The following FBXW11 variants were observed in gnomAD, a reference collection of about 807,000 sequenced individuals.
FBXW11 encodes F-box and WD repeat domain containing 11.
Under a neutral mutation model 77.6 loss-of-function variants are expected in FBXW11, and 19 were observed. The observed-to-expected ratio is 0.24, with a 90% CI of 0.17 to 0.36. FBXW11 has a LOEUF of 0.36. Among genes scored for constraint, FBXW11 ranks in the 10% least tolerant of loss-of-function variants. The pLI, the probability that FBXW11 is intolerant of heterozygous loss-of-function variation, is 1.00. For missense variants in FBXW11, 334 were observed against 704.2 expected (o/e 0.47, Z 5.95); for synonymous variants, 235 against 249.4 (o/e 0.94, Z 0.54).
intron 2 of FBXW11, among the ~76,000 whole-genome samples, chr5:171,953,487 AC>A (rs1412501122): frequency 4.6e-5 from 7 of 152,116 alleles, no homozygotes; most frequent in African/African-American, 1.7e-4. Flanking sequence ...CCTTAGACAG[AC>A]CGACCCTGAA....
chr5:172,000,181 A>C (rs77435546), intron 1 of FBXW11, among the ~76,000 whole-genome samples: 4,692 of 152,326 alleles, frequency 0.031, 101 homozygotes, highest in Middle Eastern at 0.061. Flanking sequence ...TCAGAAGAAA[A>C]TCTTGTATGA....
At chr5:171,925,532 G>C (rs562985537) in intron 2 of FBXW11, among the ~76,000 whole-genome samples, 1 of 152,312 alleles carries the variant, frequency 6.6e-6, no homozygotes, top group African/African-American at 2.4e-5. Flanking sequence ...TCAGGCTATA[G>C]TGCAGTGGCA....
rs186457374 is a variant in FBXW11 at position 171,999,022 on chromosome 5, C to T, written c.45+7436G>A. Among the ~76,000 whole-genome samples the T allele has an allele frequency of 1.3e-3, 203 of 152,070 alleles. 2 individuals carry two copies. The highest frequency in any genetic ancestry group is 7.9e-3 in the Admixed American group (120 of 15,258). On this transcript the variant is annotated intron_variant, in intron 1 of 13. Coordinates refer to ENST00000517395, the MANE Select transcript of FBXW11 (RefSeq NM_001378974.1). The stretch of plus-strand genomic sequence containing the variant: ...AAGGCAATTAAAGTGACTGAAATAC[C>T]GGTCTATGATTAACCTCGCCATAAC...
intron 7 of FBXW11, among the ~76,000 whole-genome samples, chr5:171,883,879 A>C (rs1758698705): frequency 6.6e-6 from 1 of 150,702 alleles, no homozygotes; most frequent in South Asian, 2.1e-4. Flanking sequence ...GATTTGTTTG[A>C]GTTCATTGTG....
intron 7 of FBXW11, among the ~76,000 whole-genome samples, chr5:171,883,657 T>G (rs1207600283): frequency 1.3e-5 from 2 of 152,222 alleles, no homozygotes; most frequent in Non-Finnish European, 2.9e-5. Context: ...GTTTTTTGAT[T>G]TTTTTATTAT....
chr5:171,914,291 T>C, intron 3 of FBXW11, 52 bp downstream of exon 3: 1 of 1,455,528 alleles, frequency 6.9e-7, no homozygotes, highest in Non-Finnish European at 9.5e-7. Context: ...TGAGGGAGCA[T>C]CCTATCTACA....
At chr5:171,883,995 T>A (rs1411133374) in intron 7 of FBXW11, among the ~76,000 whole-genome samples, 1 of 152,242 alleles carries the variant, frequency 6.6e-6, no homozygotes, top group African/African-American at 2.4e-5. Context: ...TGTGGGCTGT[T>A]TACTCTGCTA....
chr5:171,983,471 C>T (rs1461026763), intron 1 of FBXW11, among the ~76,000 whole-genome samples: 4 of 152,012 alleles, frequency 2.6e-5, no homozygotes, highest in Admixed American at 2.6e-4. Context: ...GGACAAAAGC[C>T]CAGGCTTGCC....
chr5:171,979,465 C>T lies in FBXW11; in HGVS notation c.46-21767G>A, dbSNP rs74780059. ...CCATCTTACTTTACGTTTTTCATTA[C>T]ATTTTTCCATCTTATTTTACATTAT... On this transcript the variant is annotated intron_variant, in intron 1 of 13. Coordinates refer to ENST00000517395, the MANE Select transcript of FBXW11 (RefSeq NM_001378974.1). 8.5e-3 allele frequency among the ~76,000 whole-genome samples: 1,294 copies of T among 152,172 alleles called. 13 individuals carry two copies. Among genetic ancestry groups the T allele is most frequent in the South Asian group, 0.035 (167 of 4,828 alleles).
At chr5:171,969,324 A>G (rs1404242545) in intron 1 of FBXW11, among the ~76,000 whole-genome samples, 1 of 152,194 alleles carries the variant, frequency 6.6e-6, no homozygotes, top group Admixed American at 6.5e-5. Context: ...TCCTGATGTA[A>G]TGAACATTCT....
At chr5:171,998,522 C>A (rs1766208372) in intron 1 of FBXW11, among the ~76,000 whole-genome samples, 2 of 151,462 alleles carry the variant, frequency 1.3e-5, no homozygotes, top group Non-Finnish European at 2.9e-5. Context: ...ATAGGCTGGG[C>A]TCGATGGCTC....
In FBXW11 at chr5:171,876,755, A is replaced by G. The variant is rs1758108064; in HGVS notation, c.972-221T>C. 6.6e-6 allele frequency among the ~76,000 whole-genome samples: 1 copy of G among 152,112 alleles called. No individual in the cohort carries two copies. The highest frequency in any genetic ancestry group is 2.1e-4 in the South Asian group (1 of 4,820). On this transcript the variant is annotated intron_variant, in intron 8 of 13. Transcript: ENST00000517395. This position sits in a 1 kb window ranked among gnomAD's most constrained non-coding sequence, Gnocchi z 4.2. ...TCATGAATGGCTTGGTGCCATTCTC[A>G]TAGGAGGGAGTTCACTCTTAGTTCC...
Position 171,957,600 on chromosome 5 carries a change from G to GAGAC in FBXW11, c.140_143dup (p.Gln49SerfsTer12). On this transcript the variant is annotated frameshift_variant, in exon 2 of 14. Coordinates refer to ENST00000517395, the MANE Select transcript of FBXW11 (RefSeq NM_001378974.1). LOFTEE classifies it high-confidence loss of function. Reference sequence around the variant, plus strand: ...CAACAAGAAAGAAGAGAGGCACCTGGAGACATCTGACACTGGGCATGCTCT... The same window carrying GAGAC: ...CAACAAGAAAGAAGAGAGGCACCTGGAGACAGACATCTGACACTGGGCATGCTCT... The GAGAC allele has an allele frequency of 6.2e-7, 1 of 1,613,608 alleles. No homozygotes were observed.
intron 7 of FBXW11, among the ~76,000 whole-genome samples, chr5:171,889,503 G>A (rs190065715): frequency 2.1e-3 from 300 of 139,856 alleles, no homozygotes; most frequent in African/African-American, 7.7e-3. Flanking sequence ...ACTCCAGCCT[G>A]GGTGACAGAG....
intron 2 of FBXW11, among the ~76,000 whole-genome samples, chr5:171,931,075 A>G (rs1324645795): frequency 6.6e-6 from 1 of 152,268 alleles, no homozygotes; most frequent in Admixed American, 6.5e-5. Context: ...GGAAGATTCA[A>G]TAAGGTCAAG....
intron 2 of FBXW11, among the ~76,000 whole-genome samples, chr5:171,930,679 T>C (rs1049386381): frequency 6.8e-6 from 1 of 147,188 alleles, no homozygotes; most frequent in East Asian, 2.0e-4. Context: ...CCTATGACCC[T>C]GCCAAATCCC....
chr5:171,863,575 A>G lies in FBXW11; in HGVS notation c.*552T>C, dbSNP rs533498887. 6.5e-5 allele frequency: 10 copies of G among 152,762 alleles called. No homozygotes were observed. Among genetic ancestry groups the G allele is most frequent in the African/African-American group, 2.4e-4 (10 of 41,572 alleles). 9.5% of individuals were successfully genotyped at this position (152,762 alleles called of 1,614,324 possible). A position where few individuals can be genotyped will look rare whatever the true frequency, so the allele number is the denominator to read the frequency against. ...CCCAAAAATATTACTAAAACAATCC[A>G]GAGAAAATTTTCCACTGTCCAACAT... is the stretch of plus-strand genomic sequence containing the variant. On this transcript the variant is annotated 3_prime_UTR_variant, in exon 14 of 14. Transcript: ENST00000517395.
chr5:171,934,990 G>A (rs536402631), intron 2 of FBXW11, among the ~76,000 whole-genome samples: 27 of 152,210 alleles, frequency 1.8e-4, no homozygotes, highest in African/African-American at 5.8e-4. Flanking sequence ...ACGGAGTCTC[G>A]CTCTGTAGCC....
At chr5:171,913,980 G>A (rs1412825718) in intron 3 of FBXW11, among the ~76,000 whole-genome samples, 1 of 152,158 alleles carries the variant, frequency 6.6e-6, no homozygotes, top group Non-Finnish European at 1.5e-5. Flanking sequence ...GGAGAGAAGA[G>A]TAAAGGTTGA....
Sources: allele counts gnomAD v4.1 joint callset (sites outside exome capture counted in the v4.1 genomes callset), GRCh38; gene constraint gnomAD v4.1.1; non-coding constraint Gnocchi (gnomAD v3.1); transcripts MANE v1.5; gene names NCBI Gene and HGNC (gene_info 2026-07-23, HGNC 2026-07-21).